RYR1: variants seen among roughly 807,000 people sequenced by gnomAD.
RYR1 encodes the protein central core disease of muscle.
A neutral mutation model predicts 583.5 loss-of-function variants in RYR1; 342 were observed. That is an observed-to-expected ratio of 0.59 (90% CI 0.54 to 0.64). The LOEUF (loss-of-function observed/expected upper bound fraction) is 0.64. RYR1 is among the 30% of genes least tolerant of loss of function. RYR1 has a pLI of 0.00. For missense variants in RYR1, 6,032 were observed against 6,917.2 expected (o/e 0.87, Z 4.54); for synonymous variants, 2,791 against 2,822.5 (o/e 0.99, Z 0.35).
At chr19:38,560,430 CAGAT>C (rs1973074344) in intron 89 of RYR1, among the ~76,000 whole-genome samples, 1 of 151,242 alleles carries the variant, frequency 6.6e-6, no homozygotes. Flanking sequence ...AGCAGGATAA[CAGAT>C]AAAGAGTGTT....
chr19:38,489,362 GGAGGC>G lies in RYR1; in HGVS notation c.5734_5738del (p.Glu1912SerfsTer35). The G allele has an allele frequency of 6.2e-7, 1 of 1,613,298 alleles. No individual in the cohort carries two copies. Among genetic ancestry groups the G allele is most frequent in the Non-Finnish European group, 8.5e-7 (1 of 1,179,272 alleles). ...AGGAAGATGAGGAAAAAGAGGAAGA[GGAGGC>G]AGCAGAAGGGGAGAAAGAAGAAGGC... On this transcript the variant is annotated frameshift_variant, in exon 35 of 106. Coordinates refer to ENST00000359596, the MANE Select transcript of RYR1 (RefSeq NM_000540.3). LOFTEE classifies it high-confidence loss of function.
intron 4 of RYR1, 28 bp from the exon 5 acceptor site, chr19:38,443,690 G>A (rs1972802853): frequency 6.2e-7 from 1 of 1,614,020 alleles, no homozygotes; most frequent in Non-Finnish European, 8.5e-7. Context: ...CCTGCTAGAA[G>A]GAGGCTGACC....
At position 38,460,472 on chromosome 19, in the gene RYR1, C is replaced by G; in HGVS notation, c.2458C>G (p.Leu820Val). 1 of 1,614,256 alleles carries G rather than the reference C, an allele frequency of 6.2e-7. No individual in the cohort carries two copies. The highest frequency in any genetic ancestry group is 2.2e-5 in the East Asian group (1 of 44,886). The change falls in exon 20 of 106, where the codon CTC becomes GTC. Residue 820 changes from leucine to valine, a missense_variant. By Grantham distance (32) the Leu-to-Val change is conservative. This residue lies in a region of RYR1 where 2,627 missense variants were observed against 2,961.3 expected (regional missense o/e 0.89). Transcript: ENST00000359596. Reference protein sequence around the residue: ...CHEAVLPRERLHLEPIKEYRR... With the variant: ...CHEAVLPRERVHLEPIKEYRR... Reference sequence around the variant, plus strand: ...TGAGGCTGTGCTCCCTCGAGAGCGACTCCATCTTGAACCCATCAAGGAGTA... The same window carrying G: ...TGAGGCTGTGCTCCCTCGAGAGCGAGTCCATCTTGAACCCATCAAGGAGTA...
Position 38,463,994 on chromosome 19 carries a change from T to C in RYR1, c.2786+144T>C, listed in dbSNP as rs1281678277. On this transcript the variant is annotated intron_variant, in intron 22 of 105. Transcript: ENST00000359596. ...TTGTGAGACATAAACAAATGGGGAG[T>C]GGCCGGGCACGGTGGCTCACACCTG... is the stretch of plus-strand genomic sequence containing the variant. 47 of 711,870 alleles carry C rather than the reference T, an allele frequency of 6.6e-5. No individual in the cohort carries two copies. In the East Asian group the frequency reaches 1.2e-3, roughly 18 times the overall value. 44.1% of individuals were successfully genotyped at this position (711,870 alleles called of 1,614,324 possible). A position where few individuals can be genotyped will look rare whatever the true frequency, so the allele number is the denominator to read the frequency against.
At chr19:38,566,619 A>G (rs1454397207) in intron 91 of RYR1, among the ~76,000 whole-genome samples, 1 of 151,836 alleles carries the variant, frequency 6.6e-6, no homozygotes, top group African/African-American at 2.4e-5. Context: ...TGGTGCTGGG[A>G]ATGCCTTGGG....
Position 38,444,453 on chromosome 19 carries a change from T to C in RYR1, c.538-131T>C, listed in dbSNP as rs1972840882. The stretch of plus-strand genomic sequence containing the variant: ...TGCCCGACTTGATCATTTCCTGATC[T>C]GTGATCTCTGATGACTCTGTCTCCC... On this transcript the variant is annotated intron_variant, in intron 6 of 105. Coordinates refer to ENST00000359596, the MANE Select transcript of RYR1 (RefSeq NM_000540.3). The surrounding 1 kb of genome is among the most constrained non-coding windows in gnomAD (Gnocchi z 5.1). 4 of 873,332 alleles carry C rather than the reference T, an allele frequency of 4.6e-6. No individual in the cohort carries two copies. The South Asian group carries it at 5.7e-5, about 12-fold the overall frequency. 54.1% of individuals were successfully genotyped at this position (873,332 alleles called of 1,614,324 possible). A position where few individuals can be genotyped will look rare whatever the true frequency, so the allele number is the denominator to read the frequency against.
rs749110325 is a variant in RYR1, at chr19:38,515,106, A to G, written c.9553A>G (p.Lys3185Glu). The stretch of plus-strand genomic sequence containing the variant: ...AACCACCAAGAACACTTATGTGGAA[A>G]AGTAAGGAGAGGGAGCCATCGTTTG... Reference protein sequence around the residue: ...LGTTKNTYVEKLRPALGECLA... With the variant: ...LGTTKNTYVEELRPALGECLA... Residue 3185 changes from lysine (K) to glutamate (E), a missense_variant and splice_region_variant, in exon 64 of 106, where the codon AAG (lysine) becomes GAG (glutamate). This residue lies in a region of RYR1 where 1,493 missense variants were observed against 1,715.5 expected (regional missense o/e 0.87). Transcript: ENST00000359596. 4 of 1,610,104 alleles carry G rather than the reference A, an allele frequency of 2.5e-6. No homozygotes were observed. Among genetic ancestry groups the G allele is most frequent in the Non-Finnish European group, 3.4e-6 (4 of 1,176,832 alleles).
chr19:38,574,282 G>A (rs1427316024), intron 96 of RYR1, among the ~76,000 whole-genome samples: 43 of 129,458 alleles, frequency 3.3e-4, no homozygotes, highest in Middle Eastern at 3.9e-3. Flanking sequence ...AAAAGGAAAA[G>A]AAAAAGAAAG....
At chr19:38,438,273 A>G (rs1972511884) in intron 1 of RYR1, among the ~76,000 whole-genome samples, 1 of 151,888 alleles carries the variant, frequency 6.6e-6, no homozygotes, top group Non-Finnish European at 1.5e-5. Context: ...ACTCTCTTAC[A>G]TCAGCCTGGG....
chr19:38,486,152 T>A lies in RYR1; in HGVS notation c.5497T>A (p.Ser1833Thr). 1 of 1,613,070 alleles carries A rather than the reference T, an allele frequency of 6.2e-7. No individual in the cohort carries two copies. Among genetic ancestry groups the A allele is most frequent in the African/African-American group, 1.3e-5 (1 of 75,012 alleles). The change falls in exon 34 of 106, where the codon TCC becomes ACC. Residue 1833 changes from serine to threonine, a missense_variant. This residue lies in a region of RYR1 where 2,627 missense variants were observed against 2,961.3 expected (regional missense o/e 0.89). Transcript: ENST00000359596. ...GCACGCTCGCGACCCCGTCGGGGGC[T>A]CCGTGGAGTTCCAGTTTGTGCCTGT... is the stretch of plus-strand genomic sequence containing the variant. ...GQHARDPVGG[S>T]VEFQFVPVLK... is the part of the protein sequence containing the mutation.
rs764993324 is a variant in RYR1 at position 38,458,189 on chromosome 19, C to T, written c.2064C>T (p.Thr688=). 1.5e-5 allele frequency: 25 copies of T among 1,613,788 alleles called. No individual in the cohort carries two copies. In the East Asian group the frequency reaches 4.5e-4, roughly 29 times the overall value. ...ACTTGCGGGTGGGCTGGGCCCTCACCGAGGGCTACACCCCCTACCCTGGGG... is the reference window on the plus strand; with the variant it reads ...ACTTGCGGGTGGGCTGGGCCCTCACTGAGGGCTACACCCCCTACCCTGGGG... The part of the protein sequence containing the change: ...ATHLRVGWAL[T]EGYTPYPGAG... Residue 688 remains threonine, a synonymous_variant, in exon 18 of 106, where the codon ACC becomes ACT. Coordinates refer to ENST00000359596, the MANE Select transcript of RYR1 (RefSeq NM_000540.3).
At position 38,469,467 on chromosome 19, in the gene RYR1, G is replaced by T. The variant is rs1374486975; in HGVS notation, c.3719G>T (p.Gly1240Val). The change falls in exon 27 of 106, where the codon GGC becomes GTC. Residue 1240 changes from glycine (G) to valine (V), a missense_variant. Transcript: ENST00000359596. The stretch of plus-strand genomic sequence containing the variant: ...CCAGTCACCACCTGGTTCAGCAAAG[G>T]CCTGCCCCAGTTTGAGCCAGTGCCC... ...QRPVTTWFSK[G>V]LPQFEPVPLE... is the part of the protein sequence containing the mutation. The T allele has an allele frequency of 5.6e-6, 9 of 1,614,122 alleles. No homozygotes were observed. In the African/African-American group the frequency reaches 6.7e-5, roughly 12 times the overall value.
chr19:38,469,282 G>C, intron 26 of RYR1, 23 bp from the exon 27 acceptor site: 1 of 1,612,612 alleles, frequency 6.2e-7, no homozygotes, highest in Non-Finnish European at 8.5e-7. Context: ...CCTCACCCCT[G>C]CCCATCCATC....
At chr19:38,505,174 AC>A (rs1398231311) in intron 52 of RYR1, 93 bp downstream of exon 52, 15 of 1,218,970 alleles carry the variant, frequency 1.2e-5, no homozygotes, top group South Asian at 8.7e-5. Flanking sequence ...TCTCCCTGAG[AC>A]CCCCCAGCCT....
chr19:38,469,108 A>G lies in RYR1; in HGVS notation c.3524A>G (p.Glu1175Gly). Residue 1175 changes from glutamate to glycine, a missense_variant, in exon 26 of 106, where the codon GAA becomes GGA. Glu to Gly is a moderately conservative substitution (Grantham distance 98, BLOSUM62 -2). This residue lies in a region of RYR1 where 2,627 missense variants were observed against 2,961.3 expected (regional missense o/e 0.89). Transcript: ENST00000359596. The stretch of plus-strand genomic sequence containing the variant: ...GTCCTCATGTCTGACTCAGGCTCCG[A>G]AACAGCCTTCCGGGAGATTGAGATT... The part of the protein sequence containing the change: ...GEVLMSDSGS[E>G]TAFREIEIGD... 6.2e-7 allele frequency: 1 copy of G among 1,614,156 alleles called. No homozygotes were observed. The highest frequency in any genetic ancestry group is 8.5e-7 in the Non-Finnish European group (1 of 1,180,032).
chr19:38,524,139 T>A (rs1237196106), intron 70 of RYR1, among the ~76,000 whole-genome samples: 1 of 140,448 alleles, frequency 7.1e-6, no homozygotes, highest in African/African-American at 2.6e-5. Context: ...GCAATTTGAC[T>A]TCTTTTCTTT....
At chr19:38,549,871 A>G in intron 89 of RYR1, among the ~76,000 whole-genome samples, 1 of 126,510 alleles carries the variant, frequency 7.9e-6, no homozygotes, top group Non-Finnish European at 1.7e-5. Context: ...ATGCCCAGCT[A>G]AATTTGTGTG....
chr19:38,577,977 G>C lies in RYR1; in HGVS notation c.14232G>C (p.Met4744Ile), dbSNP rs779163434. The stretch of plus-strand genomic sequence containing the variant: ...AGCGGATTGCTGAGCTACTGGGCAT[G>C]GACCTGGCCACACTAGAGATCACAG... ...GRERIAELLG[M>I]DLATLEITAH... Residue 4744 changes from methionine to isoleucine, a missense_variant, in exon 98 of 106, where the codon ATG (methionine) becomes ATC (isoleucine). Coordinates refer to ENST00000359596, the MANE Select transcript of RYR1 (RefSeq NM_000540.3). The C allele has an allele frequency of 6.2e-7, 1 of 1,614,148 alleles. No homozygotes were observed. The highest frequency in any genetic ancestry group is 1.1e-5 in the South Asian group (1 of 91,080).
At chr19:38,458,922 A>G (rs1007391086) in intron 18 of RYR1, among the ~76,000 whole-genome samples, 2 of 152,144 alleles carry the variant, frequency 1.3e-5, no homozygotes, top group Non-Finnish European at 2.9e-5. Context: ...TCCGGCCCCC[A>G]GGAGGATTTA....
Sources: gnomAD v4.1 joint callset for allele counts (sites outside exome capture counted in the v4.1 genomes callset) on GRCh38, gnomAD v4.1.1 for gene constraint, gnomAD v4.1.1 regional missense constraint, Gnocchi (gnomAD v3.1) non-coding constraint, MANE v1.5 for transcripts, NCBI Gene and HGNC (gene_info 2026-07-23, HGNC 2026-07-21) for gene names.